The following SRP54 variants were observed in gnomAD, a reference collection of about 807,000 sequenced individuals.
The protein encoded by SRP54 is signal recognition particle 54, also known as signal recognition particle subunit SRP54.
SRP54 carries 10 observed loss-of-function variants against 64.8 expected under a neutral mutation model. The ratio of observed to expected loss-of-function variants is 0.15; its 90% CI spans 0.10 to 0.26. The LOEUF is 0.26. Ranked by LOEUF, SRP54 falls within the 10% of genes least tolerant of loss-of-function variation. The pLI is 1.00. For synonymous variants in SRP54, 193 were observed against 185.6 expected, an observed-to-expected ratio of 1.04 and a Z score of -0.32; for missense variants, 325 against 613.7, an observed-to-expected ratio of 0.53 and a Z score of 4.97.
At position 35,029,382 on chromosome 14, in the gene SRP54, T is replaced by G. The variant is rs1374404281; in HGVS notation, c.*230T>G. The G allele has an allele frequency of 5.2e-6, 2 of 386,888 alleles. No individual in the cohort carries two copies. The highest frequency in any genetic ancestry group is 9.3e-6 in the Non-Finnish European group (2 of 215,370). The allele number at this position is 386,888 out of a possible 1,614,324, so 24.0% of individuals were successfully genotyped here. On this transcript the variant is annotated 3_prime_UTR_variant, in exon 16 of 16. Transcript: ENST00000216774. ...TTTGTGGAAATCATTATATGTTTGC[T>G]TTAGATTTTCTTCTGTTTTCACCAT...
At chr14:34,988,499 T>G (rs1453750813) in intron 1 of SRP54, among the ~76,000 whole-genome samples, 1 of 136,642 alleles carries the variant, frequency 7.3e-6, no homozygotes, top group Non-Finnish European at 1.5e-5. Context: ...GAGGTGGAGG[T>G]TGCAGTGAGC....
At chr14:35,024,238 A>G (rs1164743896) in intron 14 of SRP54, among the ~76,000 whole-genome samples, 1 of 152,154 alleles carries the variant, frequency 6.6e-6, no homozygotes, top group Admixed American at 6.6e-5. Flanking sequence ...TATGTTGGCC[A>G]GGCTGGTCTT....
At chr14:35,018,868 T>C in intron 12 of SRP54, 98 bp from the exon 13 acceptor site, 1 of 1,407,622 alleles carries the variant, frequency 7.1e-7, no homozygotes, top group Non-Finnish European at 9.9e-7. Context: ...AAAATATATC[T>C]AAGACTTAGT....
intron 2 of SRP54, among the ~76,000 whole-genome samples, chr14:34,998,913 A>G (rs2044116422): frequency 6.6e-6 from 1 of 151,346 alleles, no homozygotes; most frequent in South Asian, 2.1e-4. Flanking sequence ...ATCAAAGGCA[A>G]CATCTATTTG....
rs1555352772 is a variant in SRP54 at position 34,988,582 on chromosome 14, T to TATATATATATATAAC, written c.-34+5382_-34+5396dup. ...TCTCAAAAAAAAAAAAAAAAAAATA[T>TATATATATATATAAC]ATATATATATATAACATATATATAT... On this transcript the variant is annotated intron_variant, in intron 1 of 15. Coordinates refer to ENST00000216774, the MANE Select transcript of SRP54 (RefSeq NM_003136.4). Among the ~76,000 whole-genome samples the TATATATATATATAAC allele has an allele frequency of 2.0e-3, 70 of 34,744 alleles. 2 individuals carry two copies. Among genetic ancestry groups the TATATATATATATAAC allele is most frequent in the African/African-American group, 4.2e-3 (57 of 13,640 alleles). The allele number at this position is 34,744 out of a possible 152,430, so 22.8% of individuals were successfully genotyped here. A position where few individuals can be genotyped will look rare whatever the true frequency, so the allele number is the denominator to read the frequency against.
At chr14:34,983,416 G>T in intron 1 of SRP54, among the ~76,000 whole-genome samples, 1 of 152,178 alleles carries the variant, frequency 6.6e-6, no homozygotes, top group East Asian at 1.9e-4. Flanking sequence ...CTTTTGAGTT[G>T]TCTTCCGATT....
chr14:35,014,885 T>A (rs1197294899), intron 11 of SRP54, 55 bp downstream of exon 11: 24 of 1,350,976 alleles, frequency 1.8e-5, no homozygotes, highest in Non-Finnish European at 2.2e-5. Flanking sequence ...TGATTTTTTT[T>A]ATAAAGTTAC....
chr14:35,023,946 G>C (rs903396460), intron 14 of SRP54, among the ~76,000 whole-genome samples: 1 of 152,106 alleles, frequency 6.6e-6, no homozygotes, highest in African/African-American at 2.4e-5. Context: ...AGTTCCATGA[G>C]ACCAGGGATT....
At chr14:35,025,450 A>C (rs1362528846) in intron 14 of SRP54, among the ~76,000 whole-genome samples, 3 of 152,198 alleles carry the variant, frequency 2.0e-5, no homozygotes, top group Non-Finnish European at 4.4e-5. Context: ...ATGCTATTTC[A>C]GATAGTGACT....
intron 11 of SRP54, among the ~76,000 whole-genome samples, chr14:35,017,911 A>G (rs1003246489): frequency 6.6e-6 from 1 of 152,104 alleles, no homozygotes; most frequent in African/African-American, 2.4e-5. Flanking sequence ...ATTTGAGGTC[A>G]GGAGTTTGAG....
chr14:34,998,583 G>A (rs1049787930), intron 2 of SRP54, among the ~76,000 whole-genome samples: 3 of 151,930 alleles, frequency 2.0e-5, no homozygotes, highest in Non-Finnish European at 4.4e-5. Context: ...AGGCTGAGGC[G>A]GGCGGATCAC....
intron 13 of SRP54, among the ~76,000 whole-genome samples, chr14:35,020,341 T>C (rs528098135): frequency 4.0e-4 from 60 of 150,482 alleles, no homozygotes; most frequent in Non-Finnish European, 7.1e-4. Flanking sequence ...TCAAGGTGGC[T>C]GTGACAATTT....
chr14:34,999,207 G>A (rs1270325943), intron 2 of SRP54, among the ~76,000 whole-genome samples: 1 of 151,724 alleles, frequency 6.6e-6, no homozygotes, highest in Non-Finnish European at 1.5e-5. Context: ...TAGAGATGAG[G>A]TTTCGCCATG....
At chr14:35,010,252 A>G (rs2044334370) in intron 7 of SRP54, among the ~76,000 whole-genome samples, 2 of 152,130 alleles carry the variant, frequency 1.3e-5, no homozygotes, top group Admixed American at 6.6e-5. Context: ...GTTCAAGACC[A>G]GCCTGACCAA....
At chr14:34,983,342 C>G (rs1349961017) in intron 1 of SRP54, 127 bp downstream of exon 1, 1 of 142,824 alleles carries the variant, frequency 7.0e-6, no homozygotes, top group African/African-American at 2.5e-5. Flanking sequence ...GTTACCGAGA[C>G]TGAGTTTCTG....
chr14:35,005,230 G>C (rs2044237559), intron 4 of SRP54, among the ~76,000 whole-genome samples: 1 of 152,166 alleles, frequency 6.6e-6, no homozygotes, highest in African/African-American at 2.4e-5. Flanking sequence ...CTACTCAGGA[G>C]GCTGAGATGG....
chr14:35,018,812 T>A, intron 12 of SRP54, 47 bp downstream of exon 12: 1 of 1,549,000 alleles, frequency 6.5e-7, no homozygotes, highest in Non-Finnish European at 8.8e-7. Context: ...TTCATTAAAT[T>A]TTCTAAAATA....
At chr14:35,001,297 G>A (rs567454510) in intron 4 of SRP54, among the ~76,000 whole-genome samples, 2 of 150,812 alleles carry the variant, frequency 1.3e-5, no homozygotes, top group Non-Finnish European at 2.9e-5. Context: ...GATTACAGAC[G>A]TGCACCACCA....
intron 4 of SRP54, chr14:35,004,642 G>A (rs2044229116): frequency 6.6e-6 from 1 of 152,196 alleles, no homozygotes; most frequent in Non-Finnish European, 1.5e-5. Flanking sequence ...GGGAGGAAGA[G>A]AAGACAAATT....
Sources: allele counts gnomAD v4.1 joint callset (sites outside exome capture counted in the v4.1 genomes callset), GRCh38; gene constraint gnomAD v4.1.1; transcripts MANE v1.5; gene names NCBI Gene and HGNC (gene_info 2026-07-23, HGNC 2026-07-21).